FAM234B: variants seen among roughly 807,000 people sequenced by gnomAD.
The protein encoded by FAM234B is family with sequence similarity 234 member B.
In FAM234B, 33 loss-of-function variants were observed where a neutral mutation model predicts 69.3. The observed-to-expected ratio is 0.48, with a 90% CI of 0.36 to 0.64. The LOEUF is 0.64. FAM234B is among the 30% of genes least tolerant of loss of function. The pLI, the probability that FAM234B is intolerant of heterozygous loss-of-function variation, is 0.00. For missense variants in FAM234B, 697 were observed against 769.7 expected (o/e 0.91, Z 1.12); for synonymous variants, 306 against 306.9 (o/e 1.00, Z 0.03).
At chr12:13,071,191 C>A in intron 9 of FAM234B, 50 bp from the exon 10 acceptor site, 2 of 1,599,642 alleles carry the variant, frequency 1.3e-6, no homozygotes, top group Non-Finnish European at 1.7e-6. Context: ...TCTGGGCCTG[C>A]TGCTTTTTTG....
chr12:13,061,482 C>T, intron 3 of FAM234B, 93 bp from the exon 4 acceptor site: 1 of 1,027,538 alleles, frequency 9.7e-7, no homozygotes, highest in Middle Eastern at 3.2e-4. Context: ...TGCCTTACCA[C>T]CATCCACTTG....
At chr12:13,046,046 C>G (rs1174991631) in intron 1 of FAM234B, among the ~76,000 whole-genome samples, 1 of 152,152 alleles carries the variant, frequency 6.6e-6, no homozygotes, top group African/African-American at 2.4e-5. Flanking sequence ...GTTTGGCAGG[C>G]AGCTTGGCCC....
At chr12:13,056,346 A>G (rs1448038229) in intron 2 of FAM234B, among the ~76,000 whole-genome samples, 1 of 152,224 alleles carries the variant, frequency 6.6e-6, no homozygotes, top group Non-Finnish European at 1.5e-5. Context: ...TTGATGATAG[A>G]GGTCTGATCT....
chr12:13,061,452 G>A, intron 3 of FAM234B, 123 bp from the exon 4 acceptor site: 1 of 702,692 alleles, frequency 1.4e-6, no homozygotes. Context: ...AGAGGGAGCT[G>A]AATACACAAG....
At chr12:13,049,248 C>T (rs558958756) in intron 1 of FAM234B, among the ~76,000 whole-genome samples, 5 of 152,332 alleles carry the variant, frequency 3.3e-5, no homozygotes, top group South Asian at 2.1e-4. Flanking sequence ...GGCATGGTCT[C>T]GACTCACTCT....
chr12:13,068,446 A>G lies in FAM234B; in HGVS notation c.1285A>G (p.Ser429Gly), dbSNP rs771466540. 3.1e-6 allele frequency: 5 copies of G among 1,613,922 alleles called. No homozygotes were observed. Among genetic ancestry groups the G allele is most frequent in the Non-Finnish European group, 4.2e-6 (5 of 1,179,914 alleles). Residue 429 changes from serine (S) to glycine (G), a missense_variant and splice_region_variant, in exon 8 of 13, where the codon AGC becomes GGC. This residue lies in a region of FAM234B where 313 missense variants were observed against 305.5 expected (regional missense o/e 1.02). Coordinates refer to ENST00000197268, the MANE Select transcript of FAM234B (RefSeq NM_020853.2). Reference sequence around the variant, plus strand: ...GGCATTGAGACTTCAAGGCCTGCGCAGGTTTGCATTGTGTTCCTTCTTGTG... The same window carrying G: ...GGCATTGAGACTTCAAGGCCTGCGCGGGTTTGCATTGTGTTCCTTCTTGTG... ...YWALRLQGLR[S>G]QPTPGYFTDD...
At position 13,055,738 on chromosome 12, in the gene FAM234B, A is replaced by G. The variant is rs764938000; in HGVS notation, c.225A>G (p.Ser75=). 7.4e-6 allele frequency: 12 copies of G among 1,614,140 alleles called. No homozygotes were observed. The Admixed American group carries it at 1.8e-4, about 25-fold the overall frequency. The change falls in exon 2 of 13, where the codon TCA becomes TCG. Residue 75 remains serine, a synonymous_variant. Coordinates refer to ENST00000197268, the MANE Select transcript of FAM234B (RefSeq NM_020853.2). The part of the protein sequence containing the change: ...EVAEAAKPHL[S]EVTTEGYPSE... ...CAGAGGCTGCAAAGCCACATCTTTC[A>G]GAAGTCACCACGGAGGGCTACCCCT...
At position 13,061,657 on chromosome 12, in the gene FAM234B, G is replaced by T; in HGVS notation, c.615G>T (p.Glu205Asp). 6.2e-7 allele frequency: 1 copy of T among 1,614,056 alleles called. No homozygotes were observed. The highest frequency in any genetic ancestry group is 1.1e-5 in the South Asian group (1 of 91,072). The change falls in exon 4 of 13, where the codon GAG (glutamate) becomes GAT (aspartate). Residue 205 changes from glutamate (E) to aspartate (D), a missense_variant. Glu to Asp is a conservative substitution (Grantham distance 45). Around this residue, in one of 3 missense-constraint regions of FAM234B, gnomAD observed 380 missense variants for 447.1 expected, o/e 0.85. Transcript: ENST00000197268. The stretch of plus-strand genomic sequence containing the variant: ...TGTGGTCTAGTCTTCTCCCTGAGGA[G>T]GCTCGAGATATCACATGTTTGGAGC... ...STLWSSLLPE[E>D]ARDITCLELM...
intron 1 of FAM234B, among the ~76,000 whole-genome samples, chr12:13,046,287 C>T (rs1826569515): frequency 6.6e-6 from 1 of 152,154 alleles, no homozygotes; most frequent in Non-Finnish European, 1.5e-5. Flanking sequence ...GCCCTTTCTT[C>T]TTCCCTCCAC....
chr12:13,077,670 A>G (rs904574316), intron 11 of FAM234B, among the ~76,000 whole-genome samples: 10 of 151,036 alleles, frequency 6.6e-5, no homozygotes, highest in Admixed American at 3.3e-4. Context: ...CCAGTCTATC[A>G]TTGTTGGACA....
intron 5 of FAM234B, 119 bp from the exon 6 acceptor site, chr12:13,066,521 C>T: frequency 8.8e-7 from 1 of 1,140,572 alleles, no homozygotes; most frequent in Non-Finnish European, 1.2e-6. Flanking sequence ...TGCTTTCCAA[C>T]TTGGGGGAGT....
rs368715959 is a variant in FAM234B at position 13,068,743 on chromosome 12, A to G, written c.1368+32A>G. On this transcript the variant is annotated intron_variant, in intron 9 of 12. Coordinates refer to ENST00000197268, the MANE Select transcript of FAM234B (RefSeq NM_020853.2). Reference sequence around the variant, plus strand: ...CTTTGGGCCTCAGATCAATCAAAGCATATGTAAAGTATATACTTTGTGTCC... The same window carrying G: ...CTTTGGGCCTCAGATCAATCAAAGCGTATGTAAAGTATATACTTTGTGTCC... The G allele has an allele frequency of 4.9e-6, 7 of 1,429,430 alleles. No homozygotes were observed. The African/African-American group carries it at 7.0e-5, about 14-fold the overall frequency. The allele number at this position is 1,429,430 out of a possible 1,614,324, so 88.5% of individuals were successfully genotyped here.
chr12:13,050,288 T>G (rs1864861863), intron 1 of FAM234B, among the ~76,000 whole-genome samples: 1 of 152,212 alleles, frequency 6.6e-6, no homozygotes, highest in Non-Finnish European at 1.5e-5. Flanking sequence ...TTTACTCTCC[T>G]GTCATTGCTT....
intron 1 of FAM234B, among the ~76,000 whole-genome samples, chr12:13,050,406 C>T (rs1057466942): frequency 2.6e-5 from 4 of 152,100 alleles, no homozygotes; most frequent in African/African-American, 4.8e-5. Flanking sequence ...TCTAACCTGC[C>T]GTCCTGACAG....
At chr12:13,050,607 A>T (rs1030015722) in intron 1 of FAM234B, among the ~76,000 whole-genome samples, 1 of 152,154 alleles carries the variant, frequency 6.6e-6, no homozygotes, top group East Asian at 1.9e-4. Flanking sequence ...TAGAACAACA[A>T]ATGGACTCTG....
At chr12:13,077,040 T>C (rs1209466352) in intron 11 of FAM234B, among the ~76,000 whole-genome samples, 1 of 152,154 alleles carries the variant, frequency 6.6e-6, no homozygotes, top group Non-Finnish European at 1.5e-5. Context: ...TCTCGATTTA[T>C]TGGGATACAC....
chr12:13,068,526 G>A (rs1865066762), intron 8 of FAM234B, 79 bp downstream of exon 8: 3 of 1,591,328 alleles, frequency 1.9e-6, no homozygotes, highest in African/African-American at 1.3e-5. Flanking sequence ...ACAATTGCTT[G>A]CAATTCTTAT....
intron 1 of FAM234B, among the ~76,000 whole-genome samples, chr12:13,047,321 A>G (rs1005137954): frequency 6.6e-6 from 1 of 152,166 alleles, no homozygotes; most frequent in Non-Finnish European, 1.5e-5. Flanking sequence ...CAAACACTGG[A>G]GGGAATATCA....
At chr12:13,078,795 T>G (rs958982752) in intron 11 of FAM234B, among the ~76,000 whole-genome samples, 4 of 152,004 alleles carry the variant, frequency 2.6e-5, no homozygotes, top group Non-Finnish European at 5.9e-5. Context: ...CACAATTGCT[T>G]CAAAGAGAAT....
Sources: allele counts gnomAD v4.1 joint callset (sites outside exome capture counted in the v4.1 genomes callset), GRCh38; gene constraint gnomAD v4.1.1; regional missense constraint gnomAD v4.1.1; transcripts MANE v1.5; gene names NCBI Gene and HGNC (gene_info 2026-07-23, HGNC 2026-07-21).